BLMH: variants seen among roughly 807,000 people sequenced by gnomAD.
BLMH encodes bleomycin hydrolase.
A neutral mutation model predicts 61.6 loss-of-function variants in BLMH; 32 were observed. The observed-to-expected ratio is 0.52, with a 90% CI of 0.39 to 0.70. The LOEUF is 0.70. Ranked by LOEUF, BLMH falls within the 30% of genes least tolerant of loss-of-function variation. The pLI is 0.00. For missense variants in BLMH, 460 were observed against 555.5 expected (o/e 0.83, Z 1.73); for synonymous variants, 183 against 193.8 (o/e 0.94, Z 0.46).
intron 6 of BLMH, among the ~76,000 whole-genome samples, chr17:30,282,546 C>T (rs1397242046): frequency 1.3e-5 from 2 of 152,118 alleles, no homozygotes; most frequent in Admixed American, 6.5e-5. Context: ...TTAAGGGGAT[C>T]CGCAGGCTAA....
Position 30,248,837 on chromosome 17 carries a change from A to T in BLMH, c.*180T>A. Reference sequence around the variant, plus strand: ...TCTTCCCCCCTCTTTTTTTTCCTTTAACAGTATTCTGTTTCAGCATAAAGC... The same window carrying T: ...TCTTCCCCCCTCTTTTTTTTCCTTTTACAGTATTCTGTTTCAGCATAAAGC... On this transcript the variant is annotated 3_prime_UTR_variant, in exon 12 of 12. Coordinates refer to ENST00000261714, the MANE Select transcript of BLMH (RefSeq NM_000386.4). The T allele has an allele frequency of 1.5e-6, 1 of 684,394 alleles. No homozygotes were observed. Among genetic ancestry groups the T allele is most frequent in the Non-Finnish European group, 2.4e-6 (1 of 416,142 alleles). 42.4% of individuals were successfully genotyped at this position (684,394 alleles called of 1,614,324 possible). A position where few individuals can be genotyped will look rare whatever the true frequency, so the allele number is the denominator to read the frequency against.
intron 11 of BLMH, among the ~76,000 whole-genome samples, chr17:30,260,245 C>T (rs1479285725): frequency 6.6e-6 from 1 of 152,212 alleles, no homozygotes; most frequent in Non-Finnish European, 1.5e-5. Flanking sequence ...GCTCCAGATT[C>T]TGTGCTTAAC....
At chr17:30,279,266 G>C (rs1908514865) in intron 6 of BLMH, among the ~76,000 whole-genome samples, 1 of 152,174 alleles carries the variant, frequency 6.6e-6, no homozygotes, top group East Asian at 1.9e-4. Flanking sequence ...GAGTCCCAGA[G>C]TATAAAGGGC....
chr17:30,257,997 TTTTA>T (rs1430387718), intron 11 of BLMH, among the ~76,000 whole-genome samples: 1 of 152,146 alleles, frequency 6.6e-6, no homozygotes, highest in Non-Finnish European at 1.5e-5. Flanking sequence ...ATTTTGTATC[TTTTA>T]TTTATTTATT....
At chr17:30,267,157 A>C (rs897540469) in intron 10 of BLMH, among the ~76,000 whole-genome samples, 5 of 152,236 alleles carry the variant, frequency 3.3e-5, no homozygotes, top group African/African-American at 1.2e-4. Context: ...ACTCCAGTAG[A>C]AATGGAATTT....
intron 5 of BLMH, 102 bp from the exon 6 acceptor site, chr17:30,285,582 C>T: frequency 3.7e-6 from 3 of 820,568 alleles, no homozygotes; most frequent in Non-Finnish European, 1.8e-6. Flanking sequence ...TAACTCAGGC[C>T]AGACCCATGA....
chr17:30,285,273 A>C, intron 6 of BLMH, 115 bp downstream of exon 6: 1 of 725,472 alleles, frequency 1.4e-6, no homozygotes, highest in Non-Finnish European at 2.2e-6. Flanking sequence ...GTAATTTTCA[A>C]TTCAATTAAA....
chr17:30,280,120 G>A (rs1908547235), intron 6 of BLMH, among the ~76,000 whole-genome samples: 1 of 152,172 alleles, frequency 6.6e-6, no homozygotes, highest in African/African-American at 2.4e-5. Context: ...TGAAGGAGAG[G>A]TTAGAACAGT....
chr17:30,260,078 C>T (rs547032981), intron 11 of BLMH, among the ~76,000 whole-genome samples: 1 of 152,278 alleles, frequency 6.6e-6, no homozygotes, highest in African/African-American at 2.4e-5. Flanking sequence ...ACTTCTTATG[C>T]GCCTCACATG....
intron 11 of BLMH, chr17:30,251,947 GA>G (rs1348722147): frequency 1.3e-5 from 2 of 152,004 alleles, no homozygotes; most frequent in Non-Finnish European, 2.9e-5. Flanking sequence ...ATATTTTGAG[GA>G]AAAAAATTAT....
Position 30,250,313 on chromosome 17 carries a change from T to C in BLMH, c.1217-1145A>G, listed in dbSNP as rs1436524003. ...CAACCCACAGAGTGGGAGAAAATCT[T>C]CGCAAACTATGATTCCGACAAAGGA... On this transcript the variant is annotated intron_variant, in intron 11 of 11. Coordinates refer to ENST00000261714, the MANE Select transcript of BLMH (RefSeq NM_000386.4). 6.6e-5 allele frequency: 10 copies of C among 152,264 alleles called. No homozygotes were observed. In the East Asian group the frequency reaches 1.9e-3, roughly 29 times the overall value. The allele number at this position is 152,264 out of a possible 1,614,324, so 9.4% of individuals were successfully genotyped here. A position where few individuals can be genotyped will look rare whatever the true frequency, so the allele number is the denominator to read the frequency against.
intron 3 of BLMH, among the ~76,000 whole-genome samples, chr17:30,288,911 G>A (rs71372214): frequency 0.14 from 20,982 of 152,130 alleles, 1,875 homozygotes; most frequent in Middle Eastern, 0.19. Flanking sequence ...AGGTTACAGT[G>A]AGCCGAGACT....
At chr17:30,272,435 AAG>A (rs1908302211) in intron 9 of BLMH, 124 bp downstream of exon 9, 2 of 1,019,842 alleles carry the variant, frequency 2.0e-6, no homozygotes, top group African/African-American at 3.2e-5. Flanking sequence ...GATGCAAAGA[AAG>A]AGACGCGCCC....
At chr17:30,277,921 A>C (rs1285340891) in intron 6 of BLMH, among the ~76,000 whole-genome samples, 1 of 152,198 alleles carries the variant, frequency 6.6e-6, no homozygotes, top group African/African-American at 2.4e-5. Context: ...AAATAAGGAT[A>C]AGGGTGATAT....
At position 30,291,789 on chromosome 17, in the gene BLMH, G is replaced by C. The variant is rs1440677255; in HGVS notation, c.13+18C>G. 1.1e-5 allele frequency: 16 copies of C among 1,401,496 alleles called. No homozygotes were observed. Among genetic ancestry groups the C allele is most frequent in the Non-Finnish European group, 1.5e-5 (16 of 1,082,376 alleles). 86.8% of individuals were successfully genotyped at this position (1,401,496 alleles called of 1,614,324 possible). On this transcript the variant is annotated intron_variant, in intron 1 of 11. Transcript: ENST00000261714. ...GAGCTCCTCCAGAGGACCGCGGCGG[G>C]GGACGGCGGCACCTCACCCGAGCTG...
At chr17:30,269,047 A>G (rs1281945248) in intron 10 of BLMH, among the ~76,000 whole-genome samples, 6 of 151,646 alleles carry the variant, frequency 4.0e-5, no homozygotes, top group African/African-American at 1.5e-4. Context: ...CTCAAAAAAA[A>G]CAAAAAAACA....
intron 9 of BLMH, 66 bp downstream of exon 9, chr17:30,272,495 A>G (rs1160553393): frequency 6.4e-7 from 1 of 1,567,396 alleles, no homozygotes; most frequent in Admixed American, 1.7e-5. Flanking sequence ...GTCATTTTGT[A>G]CCAACAGCAC....
chr17:30,272,374 T>C, intron 9 of BLMH, 187 bp downstream of exon 9: 1 of 676,880 alleles, frequency 1.5e-6, no homozygotes, highest in Non-Finnish European at 2.6e-6. Context: ...TGTCCTGGGT[T>C]AGAGTGTTTA....
chr17:30,268,202 T>TA (rs776062334), intron 10 of BLMH, among the ~76,000 whole-genome samples: 4 of 152,244 alleles, frequency 2.6e-5, no homozygotes, highest in Non-Finnish European at 5.9e-5. Flanking sequence ...CCTAAAGTGA[T>TA]ATAGTTACTT....
Sources: allele counts gnomAD v4.1 joint callset (sites outside exome capture counted in the v4.1 genomes callset), GRCh38; gene constraint gnomAD v4.1.1; transcripts MANE v1.5; gene names NCBI Gene and HGNC (gene_info 2026-07-23, HGNC 2026-07-21).